Variants in ACER3 observed in about 807,000 individuals in gnomAD.
The protein encoded by ACER3 is alkaline ceramidase 3, also known as alkCDase 3.
In ACER3, 16 loss-of-function variants were observed where a neutral mutation model predicts 48.9. The ratio of observed to expected loss-of-function variants is 0.33; its 90% CI spans 0.22 to 0.50. The LOEUF (loss-of-function observed/expected upper bound fraction) is 0.50. Among genes scored for constraint, ACER3 ranks in the 20% least tolerant of loss-of-function variants. The probability of loss-of-function intolerance (pLI) is 0.98; values close to 1 mark genes in which losing one functional copy is unlikely to be tolerated. For missense variants in ACER3, 227 were observed against 326.0 expected, an observed-to-expected ratio of 0.70 and a Z score of 2.34; for synonymous variants, 109 against 107.8, an observed-to-expected ratio of 1.01 and a Z score of -0.07.
intron 1 of ACER3, among the ~76,000 whole-genome samples, chr11:76,887,397 C>G (rs1365364999): frequency 1.3e-5 from 2 of 152,114 alleles, no homozygotes; most frequent in African/African-American, 4.8e-5. Context: ...CAAAGGAGAA[C>G]TCAAAGAGAG....
At chr11:77,017,940 C>CTTTTTTTTT (rs71043531) in intron 9 of ACER3, among the ~76,000 whole-genome samples, 1 of 75,702 alleles carries the variant, frequency 1.3e-5, no homozygotes, top group Admixed American at 2.0e-4. Context: ...GATCAGTGAT[C>CTTTTTTTTT]TTTTTTTTTT....
intron 1 of ACER3, among the ~76,000 whole-genome samples, chr11:76,911,900 C>T (rs1946387579): frequency 6.6e-6 from 1 of 152,094 alleles, no homozygotes; most frequent in Non-Finnish European, 1.5e-5. Context: ...CTGCCTACCC[C>T]AATAGAGGCT....
chr11:76,958,479 G>A (rs565841989), intron 2 of ACER3, among the ~76,000 whole-genome samples: 3 of 152,158 alleles, frequency 2.0e-5, no homozygotes, highest in Non-Finnish European at 4.4e-5. Context: ...GAGCCACTGT[G>A]TCCGGCCAGC....
chr11:76,986,524 A>G (rs1948687628), intron 5 of ACER3, among the ~76,000 whole-genome samples: 1 of 152,204 alleles, frequency 6.6e-6, no homozygotes. Context: ...TTTCATAGGC[A>G]GAGAACTTTG....
At chr11:77,008,031 A>G (rs1236536609) in intron 7 of ACER3, among the ~76,000 whole-genome samples, 2 of 152,212 alleles carry the variant, frequency 1.3e-5, no homozygotes, top group African/African-American at 4.8e-5. Flanking sequence ...ATTGTTCTCC[A>G]TAAATGTATA....
At chr11:76,904,782 C>T (rs903083701) in intron 1 of ACER3, among the ~76,000 whole-genome samples, 1 of 152,232 alleles carries the variant, frequency 6.6e-6, no homozygotes, top group Admixed American at 6.5e-5. Context: ...ACATCTGTGG[C>T]CTCATGGAAA....
intron 3 of ACER3, among the ~76,000 whole-genome samples, chr11:76,966,249 G>C (rs998393908): frequency 2.0e-5 from 3 of 151,632 alleles, no homozygotes; most frequent in African/African-American, 7.3e-5. Flanking sequence ...AATTCAACAA[G>C]AAGAGCTAAC....
rs781941568 is a variant in ACER3 at position 77,020,322 on chromosome 11, C to T, written c.799C>T (p.His267Tyr). 1 of 1,613,506 alleles carries T rather than the reference C, an allele frequency of 6.2e-7. No individual in the cohort carries two copies. The highest frequency in any genetic ancestry group is 8.5e-7 in the Non-Finnish European group (1 of 1,179,864). The change falls in exon 11 of 11, where the codon CAT (histidine) becomes TAT (tyrosine). Residue 267 changes from histidine (H) to tyrosine (Y), a missense_variant. Transcript: ENST00000532485. ...GATCCTGTTTGAGCCTCTCAGGAAGCATTGATGAATCATTCCACCAAGAAA... is the reference window on the plus strand; with the variant it reads ...GATCCTGTTTGAGCCTCTCAGGAAGTATTGATGAATCATTCCACCAAGAAA... ...PVILFEPLRK[H>Y]
chr11:76,891,008 A>C (rs1310327370), intron 1 of ACER3, among the ~76,000 whole-genome samples: 1 of 151,562 alleles, frequency 6.6e-6, no homozygotes, highest in African/African-American at 2.4e-5. Flanking sequence ...AGTTTCAGCT[A>C]CTCTGGAGGC....
At chr11:77,009,729 T>C (rs782006609) in intron 7 of ACER3, among the ~76,000 whole-genome samples, 51 of 152,250 alleles carry the variant, frequency 3.3e-4, no homozygotes, top group Non-Finnish European at 3.5e-4. Flanking sequence ...GAGGATTGAT[T>C]GAGCCCAGGG....
intron 2 of ACER3, among the ~76,000 whole-genome samples, chr11:76,935,002 A>C (rs1310550937): frequency 6.6e-6 from 1 of 152,202 alleles, no homozygotes; most frequent in Non-Finnish European, 1.5e-5. Context: ...CAAAGAAATG[A>C]ATCAAAAATT....
intron 7 of ACER3, among the ~76,000 whole-genome samples, chr11:77,007,616 A>G (rs1317777922): frequency 6.6e-6 from 1 of 152,216 alleles, no homozygotes; most frequent in African/African-American, 2.4e-5. Flanking sequence ...CTGACTCTGC[A>G]GTAGGTCTCT....
intron 3 of ACER3, among the ~76,000 whole-genome samples, chr11:76,971,172 A>G (rs980244946): frequency 7.9e-5 from 12 of 152,192 alleles, no homozygotes; most frequent in Middle Eastern, 3.2e-3. Flanking sequence ...TAATGTTGCT[A>G]TGAACTTTTG....
chr11:77,013,753 T>C (rs1206641997), intron 7 of ACER3, among the ~76,000 whole-genome samples: 1 of 152,088 alleles, frequency 6.6e-6, no homozygotes, highest in African/African-American at 2.4e-5. Flanking sequence ...AATTAAAACA[T>C]ATGTCTATAT....
intron 1 of ACER3, among the ~76,000 whole-genome samples, chr11:76,887,898 A>G (rs1054368184): frequency 7.0e-6 from 1 of 142,474 alleles, no homozygotes; most frequent in Non-Finnish European, 1.5e-5. Flanking sequence ...AGTTCACTGC[A>G]GCCTCGACCT....
intron 3 of ACER3, among the ~76,000 whole-genome samples, chr11:76,963,880 G>A (rs1048792625): frequency 2.0e-5 from 3 of 151,370 alleles, no homozygotes; most frequent in African/African-American, 7.4e-5. Flanking sequence ...TACAACTCTC[G>A]GCGTTAGCGA....
At chr11:76,986,651 T>G in intron 5 of ACER3, among the ~76,000 whole-genome samples, 1 of 152,258 alleles carries the variant, frequency 6.6e-6, no homozygotes, top group East Asian at 1.9e-4. Context: ...GGGCAAGATT[T>G]AATATGGCTG....
chr11:76,999,694 T>C (rs1009294085), intron 7 of ACER3, among the ~76,000 whole-genome samples: 3 of 152,182 alleles, frequency 2.0e-5, no homozygotes, highest in Non-Finnish European at 2.9e-5. Flanking sequence ...GTTTTTGTCA[T>C]TTCAAGAATG....
At chr11:76,886,277 G>GT (rs1362382043) in intron 1 of ACER3, among the ~76,000 whole-genome samples, 2 of 152,178 alleles carry the variant, frequency 1.3e-5, no homozygotes, top group African/African-American at 2.4e-5. Context: ...GAAGATTAGT[G>GT]TTTTGGAATG....
Sources: gnomAD v4.1 joint callset for allele counts (sites outside exome capture counted in the v4.1 genomes callset) on GRCh38, gnomAD v4.1.1 for gene constraint, MANE v1.5 for transcripts, NCBI Gene and HGNC (gene_info 2026-07-23, HGNC 2026-07-21) for gene names.